PCCA: variants seen among roughly 807,000 people sequenced by gnomAD.
PCCA encodes propionyl-CoA carboxylase subunit alpha, also known as propionyl-CoA carboxylase alpha chain, mitochondrial.
Under a neutral mutation model 101.3 loss-of-function variants are expected in PCCA, and 74 were observed. That is an observed-to-expected ratio of 0.73 (90% CI 0.61 to 0.89). PCCA has a LOEUF of 0.89. PCCA is among the 40% of genes least tolerant of loss of function. The pLI, the probability that PCCA is intolerant of heterozygous loss-of-function variation, is 0.00. For synonymous variants in PCCA, 294 were observed against 313.6 expected, an observed-to-expected ratio of 0.94 and a Z score of 0.66; for missense variants, 891 against 907.0, an observed-to-expected ratio of 0.98 and a Z score of 0.23.
chr13:100,241,683 T>C (rs1160870745), intron 8 of PCCA, among the ~76,000 whole-genome samples: 1 of 152,170 alleles, frequency 6.6e-6, no homozygotes, highest in Non-Finnish European at 1.5e-5. Context: ...TCAGTTGATC[T>C]TGAATTCCTG....
At chr13:100,467,682 G>T (rs1024157741) in intron 21 of PCCA, among the ~76,000 whole-genome samples, 3 of 152,206 alleles carry the variant, frequency 2.0e-5, no homozygotes, top group Non-Finnish European at 2.9e-5. Flanking sequence ...AAGTTTGATT[G>T]TGAGAGTGCA....
At chr13:100,312,724 A>T (rs1345761877) in intron 16 of PCCA, among the ~76,000 whole-genome samples, 1 of 152,242 alleles carries the variant, frequency 6.6e-6, no homozygotes, top group Admixed American at 6.5e-5. Flanking sequence ...ACAATGCATT[A>T]TTACTATAAA....
chr13:100,437,038 G>A (rs189291632), intron 20 of PCCA, among the ~76,000 whole-genome samples: 1,952 of 152,268 alleles, frequency 0.013, 18 homozygotes, highest in Non-Finnish European at 0.02. Context: ...GTAGCACCTC[G>A]GCTGTTTTAG....
intron 21 of PCCA, among the ~76,000 whole-genome samples, chr13:100,513,809 G>A (rs1029730456): frequency 6.6e-6 from 1 of 152,210 alleles, no homozygotes; most frequent in Non-Finnish European, 1.5e-5. Context: ...CACACAGAAG[G>A]CGCAGCTCAG....
intron 18 of PCCA, among the ~76,000 whole-genome samples, chr13:100,354,143 GCA>G (rs1244319117): frequency 6.7e-6 from 1 of 149,800 alleles, no homozygotes; most frequent in East Asian, 2.0e-4. Context: ...GGGTGTGGTG[GCA>G]CACACTTGTA....
chr13:100,402,499 G>A lies in PCCA; in HGVS notation c.1747-23134G>A, dbSNP rs535999781. Among the ~76,000 whole-genome samples, 12 of 152,074 alleles carry A rather than the reference G, an allele frequency of 7.9e-5. No individual in the cohort carries two copies. The East Asian group carries it at 1.2e-3, about 15-fold the overall frequency. On this transcript the variant is annotated intron_variant, in intron 19 of 23. Coordinates refer to ENST00000376285, the MANE Select transcript of PCCA (RefSeq NM_000282.4). Reference sequence around the variant, plus strand: ...AATAGATACTTATCAAGGATCTGTCGTTCTTCAAGATCAGGGCACTGTGCT... The same window carrying A: ...AATAGATACTTATCAAGGATCTGTCATTCTTCAAGATCAGGGCACTGTGCT...
chr13:100,313,996 G>A (rs1248324318), intron 16 of PCCA, among the ~76,000 whole-genome samples: 1 of 151,858 alleles, frequency 6.6e-6, no homozygotes, highest in East Asian at 1.9e-4. Flanking sequence ...CTTTGATTAT[G>A]TCTCTTTATT....
intron 1 of PCCA, among the ~76,000 whole-genome samples, chr13:100,094,881 C>A (rs1202646361): frequency 6.6e-6 from 1 of 152,204 alleles, no homozygotes; most frequent in Admixed American, 6.5e-5. Context: ...AGCCACCGTG[C>A]CTGCCCTCTC....
chr13:100,328,968 A>T (rs182053789), intron 16 of PCCA, among the ~76,000 whole-genome samples: 1 of 149,980 alleles, frequency 6.7e-6, no homozygotes, highest in African/African-American at 2.4e-5. Context: ...CTGGAATTAC[A>T]AGTGTGAGCC....
chr13:100,391,285 T>TA (rs768906448), intron 19 of PCCA, among the ~76,000 whole-genome samples: 5 of 152,174 alleles, frequency 3.3e-5, no homozygotes, highest in Non-Finnish European at 7.4e-5. Context: ...GTTCCATTTT[T>TA]ATATGAAAGG....
chr13:100,296,271 A>G (rs202098062), intron 12 of PCCA, among the ~76,000 whole-genome samples: 1 of 151,622 alleles, frequency 6.6e-6, no homozygotes, highest in Non-Finnish European at 1.5e-5. Context: ...GCAGGGTCTC[A>G]CTCCCATTTC....
At chr13:100,505,683 G>C (rs1245608438) in intron 21 of PCCA, among the ~76,000 whole-genome samples, 1 of 152,202 alleles carries the variant, frequency 6.6e-6, no homozygotes, top group African/African-American at 2.4e-5. Flanking sequence ...TGGGCAATGT[G>C]GCAAAACCCC....
At chr13:100,184,074 T>C (rs1193044100) in intron 6 of PCCA, among the ~76,000 whole-genome samples, 2 of 152,100 alleles carry the variant, frequency 1.3e-5, no homozygotes, top group African/African-American at 4.8e-5. Context: ...CGTGGTGTCA[T>C]CTGCTTCTGA....
At chr13:100,456,515 G>A (rs2081726689) in intron 21 of PCCA, among the ~76,000 whole-genome samples, 1 of 152,192 alleles carries the variant, frequency 6.6e-6, no homozygotes, top group Non-Finnish European at 1.5e-5. Flanking sequence ...GAGACCGGTA[G>A]TGGCCCCGAA....
chr13:100,184,237 C>G lies in PCCA; in HGVS notation c.469-25095C>G, dbSNP rs532628528. On this transcript the variant is annotated intron_variant, in intron 6 of 23. Transcript: ENST00000376285. Reference sequence around the variant, plus strand: ...GATAATTTGTTTGTTTCTCTTTCTCCTCTGCTGAAATACAGCCTACACAAC... The same window carrying G: ...GATAATTTGTTTGTTTCTCTTTCTCGTCTGCTGAAATACAGCCTACACAAC... 2.6e-4 allele frequency among the ~76,000 whole-genome samples: 39 copies of G among 152,248 alleles called. No individual in the cohort carries two copies. The South Asian group carries it at 5.4e-3, about 21-fold the overall frequency.
chr13:100,265,341 T>C (rs934036906), intron 10 of PCCA, among the ~76,000 whole-genome samples: 4 of 152,194 alleles, frequency 2.6e-5, no homozygotes, highest in South Asian at 2.1e-4. Context: ...AATTCTGATA[T>C]CCACTTTTTC....
In PCCA at chr13:100,414,774, A is replaced by G. The variant is rs535828486; in HGVS notation, c.1747-10859A>G. 1.2e-4 allele frequency among the ~76,000 whole-genome samples: 18 copies of G among 152,354 alleles called. No individual in the cohort carries two copies. In the South Asian group the frequency reaches 2.9e-3, roughly 25 times the overall value. ...TTTGTTAATGGGGAATGGGATATAC[A>G]TCATCTATTTGATATATAAGTTAAT... On this transcript the variant is annotated intron_variant, in intron 19 of 23. Transcript: ENST00000376285.
intron 20 of PCCA, among the ~76,000 whole-genome samples, chr13:100,435,842 G>A (rs2079891427): frequency 6.6e-6 from 1 of 152,126 alleles, no homozygotes; most frequent in African/African-American, 2.4e-5. Context: ...TCAGGAGTTT[G>A]AAACCAGTCT....
At chr13:100,327,652 C>A (rs1452191263) in intron 16 of PCCA, among the ~76,000 whole-genome samples, 2 of 152,200 alleles carry the variant, frequency 1.3e-5, no homozygotes, top group Non-Finnish European at 2.9e-5. Flanking sequence ...CCAAACTGTT[C>A]CAAAGTGTGT....
Sources: allele counts gnomAD v4.1 joint callset (sites outside exome capture counted in the v4.1 genomes callset), GRCh38; gene constraint gnomAD v4.1.1; transcripts MANE v1.5; gene names NCBI Gene and HGNC (gene_info 2026-07-23, HGNC 2026-07-21).